The following SDK1 variants were observed in gnomAD, a reference collection of about 807,000 sequenced individuals.
The protein encoded by SDK1 is sidekick cell adhesion molecule 1, also known as protein sidekick-1.
In SDK1, 157 loss-of-function variants were observed where a neutral mutation model predicts 245.5. The ratio of observed to expected loss-of-function variants is 0.64; its 90% CI spans 0.56 to 0.73. The LOEUF is 0.73. Among genes scored for constraint, SDK1 ranks in the 30% least tolerant of loss-of-function variants. The pLI is 0.00. For missense variants in SDK1, 3,583 were observed against 3,002.3 expected (o/e 1.19, Z -4.52); for synonymous variants, 1,647 against 1,278.5 (o/e 1.29, Z -6.15).
At chr7:3,985,640 A>G (rs1021660937) in intron 13 of SDK1, among the ~76,000 whole-genome samples, 8 of 152,196 alleles carry the variant, frequency 5.3e-5, no homozygotes, top group African/African-American at 1.9e-4. Context: ...AATAAATAAA[A>G]GAAACAAACT....
At chr7:3,871,542 G>T (rs1425776150) in intron 5 of SDK1, among the ~76,000 whole-genome samples, 2 of 152,226 alleles carry the variant, frequency 1.3e-5, no homozygotes, top group African/African-American at 4.8e-5. Context: ...TGTAGGCTGT[G>T]CAGGAAGCAC....
intron 2 of SDK1, 37 bp downstream of exon 2, chr7:3,619,276 G>A (rs75615634): frequency 3.2e-6 from 5 of 1,577,598 alleles, no homozygotes; most frequent in African/African-American, 2.7e-5. Context: ...TCCCATTTCA[G>A]TTGATGTGTT....
intron 14 of SDK1, among the ~76,000 whole-genome samples, chr7:4,001,771 A>G (rs1337253641): frequency 6.6e-6 from 1 of 151,994 alleles, no homozygotes; most frequent in African/African-American, 2.4e-5. Context: ...TCTACTTCGT[A>G]CTCTTTCTTC....
intron 35 of SDK1, among the ~76,000 whole-genome samples, chr7:4,192,697 G>A (rs962121681): frequency 1.3e-5 from 2 of 152,048 alleles, no homozygotes; most frequent in Non-Finnish European, 2.9e-5. Context: ...AAACATGTAC[G>A]TGACTCCCTT....
chr7:3,352,110 A>T (rs1320895631), intron 1 of SDK1, among the ~76,000 whole-genome samples: 2 of 149,656 alleles, frequency 1.3e-5, no homozygotes, highest in Non-Finnish European at 3.0e-5. Flanking sequence ...TATATTTCTT[A>T]TAATGTATAA....
At chr7:3,504,227 T>C (rs1782315632) in intron 1 of SDK1, among the ~76,000 whole-genome samples, 2 of 147,640 alleles carry the variant, frequency 1.4e-5, no homozygotes, top group African/African-American at 2.5e-5. Context: ...TAAAACACAA[T>C]TCATATCAAA....
At chr7:3,308,665 A>G (rs1385616992) in intron 1 of SDK1, among the ~76,000 whole-genome samples, 2 of 152,060 alleles carry the variant, frequency 1.3e-5, no homozygotes, top group Non-Finnish European at 2.9e-5. Context: ...TTTTTTTTAA[A>G]TGGATAAGGC....
chr7:3,833,656 G>C (rs368679638), intron 5 of SDK1, among the ~76,000 whole-genome samples: 1 of 152,156 alleles, frequency 6.6e-6, no homozygotes. Flanking sequence ...TTCATACTTC[G>C]TTAGCCTACT....
intron 4 of SDK1, among the ~76,000 whole-genome samples, chr7:3,721,934 C>T (rs1000868233): frequency 1.3e-5 from 2 of 152,038 alleles, no homozygotes; most frequent in Non-Finnish European, 2.9e-5. Context: ...ATTTTCCTTT[C>T]CTCTTTCCTT....
chr7:3,472,486 G>A (rs1399916084), intron 1 of SDK1, among the ~76,000 whole-genome samples: 1 of 152,168 alleles, frequency 6.6e-6, no homozygotes, highest in Admixed American at 6.5e-5. Context: ...TGAAGATAAT[G>A]TGTTAAGATA....
chr7:4,096,188 A>T (rs1434379635), intron 22 of SDK1, among the ~76,000 whole-genome samples: 2 of 152,224 alleles, frequency 1.3e-5, no homozygotes, highest in Admixed American at 6.5e-5. Context: ...AGTCTCCTGG[A>T]ATAAGACACT....
At chr7:4,253,128 C>T (rs1215239469) in intron 44 of SDK1, among the ~76,000 whole-genome samples, 1 of 151,966 alleles carries the variant, frequency 6.6e-6, no homozygotes, top group African/African-American at 2.4e-5. Context: ...CTTTCTATTT[C>T]ATTTATTTCT....
intron 4 of SDK1, among the ~76,000 whole-genome samples, chr7:3,750,862 C>T (rs1325757773): frequency 6.6e-6 from 1 of 152,244 alleles, no homozygotes; most frequent in Non-Finnish European, 1.5e-5. Context: ...TTCTCTTTTG[C>T]ACTGATCCTG....
chr7:3,677,834 A>G (rs1015463224), intron 4 of SDK1, among the ~76,000 whole-genome samples: 11 of 152,236 alleles, frequency 7.2e-5, no homozygotes, highest in African/African-American at 2.7e-4. Flanking sequence ...ACCCAGAAAT[A>G]TATTCACACA....
At chr7:3,653,300 G>C (rs1194734642) in intron 4 of SDK1, among the ~76,000 whole-genome samples, 1 of 152,250 alleles carries the variant, frequency 6.6e-6, no homozygotes, top group East Asian at 1.9e-4. Flanking sequence ...CAGGGTCCAC[G>C]TGTAAGCTGT....
rs1019238522 is a variant in SDK1, at chr7:3,592,318, C to G, written c.299-26762C>G. Among the ~76,000 whole-genome samples, 9 of 152,342 alleles carry G rather than the reference C, an allele frequency of 5.9e-5. No homozygotes were observed. In the South Asian group the frequency reaches 1.7e-3, roughly 28 times the overall value. ...TAATTGCCGTTTCTCCCCTCTCCCC[C>G]ACCTTACATTCAGATGTTCCAGAAT... On this transcript the variant is annotated intron_variant, in intron 1 of 44. Coordinates refer to ENST00000404826, the MANE Select transcript of SDK1 (RefSeq NM_152744.4).
chr7:4,132,495 G>A lies in SDK1; in HGVS notation c.4228+72G>A, dbSNP rs947460253. On this transcript the variant is annotated intron_variant, in intron 28 of 44. Transcript: ENST00000404826. ...CCAGCACCTTGGGAGACCGAGGCAG[G>A]TGGTTTGCTTGAGCCCAGGAGTTCA... 5 of 1,114,512 alleles carry A rather than the reference G, an allele frequency of 4.5e-6. No individual in the cohort carries two copies. The African/African-American group carries it at 6.1e-5, about 14-fold the overall frequency. The allele number at this position is 1,114,512 out of a possible 1,614,324, so 69.0% of individuals were successfully genotyped here.
intron 32 of SDK1, among the ~76,000 whole-genome samples, chr7:4,164,991 A>G (rs552273771): frequency 6.6e-6 from 1 of 152,360 alleles, no homozygotes; most frequent in Non-Finnish European, 1.5e-5. Context: ...AAAAGAAACT[A>G]GGTTTAAATA....
Position 4,012,131 on chromosome 7 carries a change from G to A in SDK1, c.2316G>A (p.Pro772=), listed in dbSNP as rs375976550. ...CTGAAGAACCACCCAGTGCTCCCCC[G>A]AAAAATATAGTGGCCAGTGGGCGGA... is the stretch of plus-strand genomic sequence containing the variant. ...MLPEEPPSAP[P]KNIVASGRTN... is the part of the protein sequence containing the mutation. The change falls in exon 16 of 45, where the codon CCG becomes CCA. Residue 772 remains proline, a synonymous_variant. Coordinates refer to ENST00000404826, the MANE Select transcript of SDK1 (RefSeq NM_152744.4). 2.2e-5 allele frequency: 35 copies of A among 1,574,714 alleles called. No individual in the cohort carries two copies. The highest frequency in any genetic ancestry group is 3.3e-4 in the Middle Eastern group (2 of 6,016).
Sources: allele counts gnomAD v4.1 joint callset (sites outside exome capture counted in the v4.1 genomes callset), GRCh38; gene constraint gnomAD v4.1.1; transcripts MANE v1.5; gene names NCBI Gene and HGNC (gene_info 2026-07-23, HGNC 2026-07-21).